Variants in THOC1 observed in about 807,000 individuals in gnomAD.
The protein encoded by THOC1 is THO complex subunit 1, also known as THO complex 1.
Under a neutral mutation model 97.3 loss-of-function variants are expected in THOC1, and 29 were observed. The observed-to-expected ratio is 0.30, with a 90% CI of 0.22 to 0.41. The LOEUF is 0.41. Among genes scored for constraint, THOC1 ranks in the 10% least tolerant of loss-of-function variants. The probability of loss-of-function intolerance (pLI) is 1.00; values close to 1 mark genes in which losing one functional copy is unlikely to be tolerated. For missense variants in THOC1, 529 were observed against 761.9 expected, an observed-to-expected ratio of 0.69 and a Z score of 3.60; for synonymous variants, 255 against 257.0, an observed-to-expected ratio of 0.99 and a Z score of 0.07.
chr18:228,162 T>C (rs1911361668), intron 11 of THOC1, among the ~76,000 whole-genome samples: 1 of 152,156 alleles, frequency 6.6e-6, no homozygotes, highest in African/African-American at 2.4e-5. Context: ...GGCCCATCTC[T>C]GCTCCAGCTA....
At chr18:227,682 A>G (rs1344653944) in intron 11 of THOC1, among the ~76,000 whole-genome samples, 1 of 152,194 alleles carries the variant, frequency 6.6e-6, no homozygotes, top group Non-Finnish European at 1.5e-5. Flanking sequence ...GATTATGTGC[A>G]TGGAACACTG....
At chr18:258,515 A>T (rs934964420) in intron 7 of THOC1, among the ~76,000 whole-genome samples, 12 of 152,162 alleles carry the variant, frequency 7.9e-5, no homozygotes, top group African/African-American at 2.7e-4. Context: ...CTGCTAACAT[A>T]TGCTATAGGT....
chr18:250,323 T>TG (rs1251813622), intron 9 of THOC1, among the ~76,000 whole-genome samples: 1 of 152,232 alleles, frequency 6.6e-6, no homozygotes, highest in Non-Finnish European at 1.5e-5. Context: ...ATTACCTTCC[T>TG]GTTCATTCTT....
chr18:240,519 T>C (rs1227419790), intron 11 of THOC1, among the ~76,000 whole-genome samples: 2 of 152,232 alleles, frequency 1.3e-5, no homozygotes, highest in African/African-American at 4.8e-5. Flanking sequence ...CTGAAGACCA[T>C]TACAAGTCAA....
At chr18:262,526 T>C (rs189726389) in intron 4 of THOC1, among the ~76,000 whole-genome samples, 164 of 152,342 alleles carry the variant, frequency 1.1e-3, no homozygotes, top group African/African-American at 3.9e-3. Context: ...GACTAGACTT[T>C]GTACAACTTC....
chr18:236,448 C>G (rs1336520740), intron 11 of THOC1, among the ~76,000 whole-genome samples: 1 of 148,588 alleles, frequency 6.7e-6, no homozygotes, highest in Admixed American at 6.8e-5. Context: ...CTCCGCCTCC[C>G]GGGTTCACGC....
chr18:257,455 C>A (rs1173319830), intron 7 of THOC1, among the ~76,000 whole-genome samples: 1 of 152,038 alleles, frequency 6.6e-6, no homozygotes, highest in Non-Finnish European at 1.5e-5. Context: ...TCAGAGGTAT[C>A]AGTAGAATCT....
intron 20 of THOC1, 140 bp from the exon 21 acceptor site, chr18:215,061 T>G: frequency 1.3e-6 from 1 of 748,120 alleles, no homozygotes; most frequent in South Asian, 1.9e-5. Context: ...ATATTCTCCG[T>G]AAGTTGAATA....
chr18:226,510 T>G, intron 12 of THOC1: 1 of 278,506 alleles, frequency 3.6e-6, no homozygotes, highest in Non-Finnish European at 6.8e-6. Context: ...CTGAGGGAGG[T>G]GAGAAGGGAA....
intron 15 of THOC1, among the ~76,000 whole-genome samples, chr18:224,451 C>T (rs1386141480): frequency 2.0e-5 from 3 of 151,498 alleles, no homozygotes; most frequent in Non-Finnish European, 4.4e-5. Context: ...TGGTGGTAGG[C>T]GCCTGTAATC....
chr18:230,743 T>C (rs1227156094), intron 11 of THOC1, among the ~76,000 whole-genome samples: 3 of 152,202 alleles, frequency 2.0e-5, no homozygotes, highest in African/African-American at 7.2e-5. Flanking sequence ...ATTTCATTAT[T>C]ATTATTTTTA....
intron 7 of THOC1, among the ~76,000 whole-genome samples, chr18:258,927 CAT>C (rs1224274753): frequency 2.6e-5 from 4 of 152,212 alleles, no homozygotes; most frequent in African/African-American, 7.2e-5. Context: ...TTCATATCTA[CAT>C]GTTTCAGTGT....
intron 11 of THOC1, among the ~76,000 whole-genome samples, chr18:229,595 A>C (rs376171770): frequency 1.4e-4 from 21 of 152,258 alleles, no homozygotes; most frequent in African/African-American, 5.1e-4. Flanking sequence ...AGGCAGGAGA[A>C]TAGCTTAAAC....
chr18:240,087 GTCTT>G lies in THOC1; in HGVS notation c.918+6233_918+6236del, dbSNP rs780575117. ...TCTAGAGGATCTAAAATTTGTAATG[GTCTT>G]TCTGTTATAGTCAGTATTAATTTCT... On this transcript the variant is annotated intron_variant, in intron 11 of 20. Transcript: ENST00000261600. Among the ~76,000 whole-genome samples, 67 of 152,288 alleles carry G rather than the reference GTCTT, an allele frequency of 4.4e-4. 1 individual carries two copies. The highest frequency in any genetic ancestry group is 1.5e-3 in the African/African-American group (64 of 41,550).
rs142800259 is a variant in THOC1 at position 239,062 on chromosome 18, T to G, written c.918+7262A>C. Among the ~76,000 whole-genome samples, 543 of 152,298 alleles carry G rather than the reference T, an allele frequency of 3.6e-3. 1 individual carries two copies. The highest frequency in any genetic ancestry group is 0.012 in the African/African-American group (506 of 41,572). ...ACCTCTATTATTAACTCAGGATTAT[T>G]TACACATAAACATGGGTGAACAACT... On this transcript the variant is annotated intron_variant, in intron 11 of 20. Coordinates refer to ENST00000261600, the MANE Select transcript of THOC1 (RefSeq NM_005131.3).
At chr18:262,553 C>T (rs754850754) in intron 4 of THOC1, among the ~76,000 whole-genome samples, 1 of 152,142 alleles carries the variant, frequency 6.6e-6, no homozygotes, top group African/African-American at 2.4e-5. Context: ...AAAAACATCA[C>T]CAGCTGTGCA....
At chr18:223,410 A>C in intron 17 of THOC1, 30 bp downstream of exon 17, 1 of 1,528,574 alleles carries the variant, frequency 6.5e-7, no homozygotes, top group Non-Finnish European at 8.9e-7. Flanking sequence ...TGACAAAAGC[A>C]ACACTTCATT....
At chr18:222,542 A>G (rs1252113611) in intron 17 of THOC1, among the ~76,000 whole-genome samples, 9 of 152,210 alleles carry the variant, frequency 5.9e-5, no homozygotes, top group Non-Finnish European at 4.4e-5. Context: ...CAGTCTGGAC[A>G]TAGGGAAAGT....
intron 4 of THOC1, 55 bp from the exon 5 acceptor site, chr18:260,359 G>A (rs749942335): frequency 1.1e-5 from 12 of 1,111,952 alleles, no homozygotes; most frequent in Non-Finnish European, 1.5e-5. Flanking sequence ...GAGTAGAATA[G>A]CCTATGAAAA....
Sources: allele counts gnomAD v4.1 joint callset (sites outside exome capture counted in the v4.1 genomes callset), GRCh38; gene constraint gnomAD v4.1.1; transcripts MANE v1.5; gene names NCBI Gene and HGNC (gene_info 2026-07-23, HGNC 2026-07-21).